Variants in RSL1D1 observed in about 807,000 individuals in gnomAD.
RSL1D1 encodes the protein ribosomal L1 domain containing 1.
RSL1D1 carries 34 observed loss-of-function variants against 44.6 expected under a neutral mutation model. The ratio of observed to expected loss-of-function variants is 0.76; its 90% CI spans 0.58 to 1.02. RSL1D1 has a LOEUF of 1.02. RSL1D1 is among the 50% of genes least tolerant of loss of function. The pLI, the probability that RSL1D1 is intolerant of heterozygous loss-of-function variation, is 0.00. For synonymous variants in RSL1D1, 271 were observed against 207.4 expected, an observed-to-expected ratio of 1.31 and a Z score of -2.63; for missense variants, 767 against 568.1, an observed-to-expected ratio of 1.35 and a Z score of -3.56.
intron 7 of RSL1D1, 135 bp downstream of exon 7, chr16:11,841,560 A>G: frequency 1.3e-6 from 1 of 770,166 alleles, no homozygotes; most frequent in Non-Finnish European, 2.1e-6. Context: ...CCTCATGTAA[A>G]GTGACAAAAG....
intron 1 of RSL1D1, 27 bp from the exon 2 acceptor site, chr16:11,850,445 G>T (rs1200254897): frequency 3.2e-6 from 5 of 1,582,344 alleles, no homozygotes; most frequent in Non-Finnish European, 4.3e-6. Context: ...AGACAAATAA[G>T]TGAAATGTTT....
In RSL1D1 at chr16:11,846,834, G is replaced by A. The variant is rs1304989756; in HGVS notation, c.394C>T (p.Leu132Phe). Residue 132 changes from leucine (L) to phenylalanine (F), a missense_variant, in exon 4 of 9, where the codon CTC (leucine) becomes TTC (phenylalanine). By Grantham distance (22) the Leu-to-Phe change is conservative. Transcript: ENST00000571133. ...GIKTVSQIISLQTLKKEYKSY... is the reference protein window; with the variant it reads ...GIKTVSQIISFQTLKKEYKSY... ...TTATATTCCTTCTTTAGAGTTTGGA[G>A]GGAGATAATCTAGGAAGTATAGAGA... is the stretch of plus-strand genomic sequence containing the variant. 1.2e-6 allele frequency: 2 copies of A among 1,608,218 alleles called. No individual in the cohort carries two copies. Among genetic ancestry groups the A allele is most frequent in the Non-Finnish European group, 1.7e-6 (2 of 1,174,986 alleles).
intron 8 of RSL1D1, among the ~76,000 whole-genome samples, chr16:11,839,202 C>T (rs1374148901): frequency 6.6e-6 from 1 of 151,756 alleles, no homozygotes; most frequent in East Asian, 1.9e-4. Flanking sequence ...CCCGTCTCTA[C>T]CAAAAACACA....
intron 2 of RSL1D1, 137 bp from the exon 3 acceptor site, chr16:11,847,943 A>C: frequency 1.2e-6 from 1 of 850,460 alleles, no homozygotes; most frequent in Non-Finnish European, 1.8e-6. Context: ...TAATGCACCA[A>C]GAACAACACT....
chr16:11,846,477 C>T (rs758463167), intron 5 of RSL1D1, 24 bp downstream of exon 5: 1 of 1,084,766 alleles, frequency 9.2e-7, no homozygotes, highest in Non-Finnish European at 1.4e-6. Context: ...TTAAAAGAGG[C>T]ACACATGAAT....
chr16:11,847,922 A>G (rs2053811035), intron 2 of RSL1D1, 116 bp from the exon 3 acceptor site: 3 of 1,067,258 alleles, frequency 2.8e-6, no homozygotes. Flanking sequence ...TAGTCATGCT[A>G]GTTAAGCAAA....
intron 3 of RSL1D1, among the ~76,000 whole-genome samples, 158 bp from the exon 4 acceptor site, chr16:11,847,001 C>A (rs562178458): frequency 1.3e-5 from 2 of 152,122 alleles, no homozygotes; most frequent in East Asian, 1.9e-4. Context: ...CCAGGCACTA[C>A]GCTACATGCT....
chr16:11,846,490 C>T lies in RSL1D1; in HGVS notation c.635+11G>A. 1 of 1,391,016 alleles carries T rather than the reference C, an allele frequency of 7.2e-7. No individual in the cohort carries two copies. 86.2% of individuals were successfully genotyped at this position (1,391,016 alleles called of 1,614,324 possible). Reference sequence around the variant, plus strand: ...GATTAAAAGAGGCACACATGAATGCCTTTTACCTACCTGCAAGAACCACTT... The same window carrying T: ...GATTAAAAGAGGCACACATGAATGCTTTTTACCTACCTGCAAGAACCACTT... On this transcript the variant is annotated intron_variant, in intron 5 of 8. Coordinates refer to ENST00000571133, the MANE Select transcript of RSL1D1 (RefSeq NM_015659.3).
chr16:11,846,318 C>T (rs915193346), intron 5 of RSL1D1, among the ~76,000 whole-genome samples, 183 bp downstream of exon 5: 1 of 151,272 alleles, frequency 6.6e-6, no homozygotes, highest in African/African-American at 2.4e-5. Flanking sequence ...TGGCGTGAAC[C>T]CAGGAGGCGG....
At chr16:11,845,357 G>A (rs1006726804) in intron 5 of RSL1D1, among the ~76,000 whole-genome samples, 2 of 152,338 alleles carry the variant, frequency 1.3e-5, no homozygotes, top group Non-Finnish European at 2.9e-5. Flanking sequence ...GGAGGCTGAG[G>A]TGGAAGGATT....
At position 11,837,727 on chromosome 16, in the gene RSL1D1, AG is replaced by A; in HGVS notation, c.*59del. On this transcript the variant is annotated 3_prime_UTR_variant, in exon 9 of 9. Coordinates refer to ENST00000571133, the MANE Select transcript of RSL1D1 (RefSeq NM_015659.3). The stretch of plus-strand genomic sequence containing the variant: ...AGGTTACAAAGGCGGCCAGGATCTG[AG>A]TATTTCCAAAAAGCTCTGGAGGCAG... 2 of 1,422,870 alleles carry A rather than the reference AG, an allele frequency of 1.4e-6. No homozygotes were observed. The highest frequency in any genetic ancestry group is 1.9e-6 in the Non-Finnish European group (2 of 1,039,122). 88.1% of individuals were successfully genotyped at this position (1,422,870 alleles called of 1,614,324 possible). A position where few individuals can be genotyped will look rare whatever the true frequency, so the allele number is the denominator to read the frequency against.
chr16:11,842,323 A>T (rs930281379), intron 5 of RSL1D1, among the ~76,000 whole-genome samples: 1 of 151,890 alleles, frequency 6.6e-6, no homozygotes, highest in Non-Finnish European at 1.5e-5. Flanking sequence ...AGGGAAAAAC[A>T]CAGTCTGAAA....
intron 8 of RSL1D1, among the ~76,000 whole-genome samples, chr16:11,838,648 G>C (rs2053739202): frequency 1.3e-5 from 2 of 151,664 alleles, no homozygotes; most frequent in South Asian, 2.1e-4. Flanking sequence ...CTTGAGGCCA[G>C]GAGTTCAAGA....
chr16:11,849,311 C>T (rs955688725), intron 2 of RSL1D1: 1 of 150,594 alleles, frequency 6.6e-6, no homozygotes, highest in South Asian at 2.1e-4. Flanking sequence ...TGAGTCAGGT[C>T]AGGGAGGTTG....
In RSL1D1 at chr16:11,838,048, C is replaced by T. The variant is rs755144595; in HGVS notation, c.1212G>A (p.Gly404=). 5 of 1,613,652 alleles carry T rather than the reference C, an allele frequency of 3.1e-6. No individual in the cohort carries two copies. Among genetic ancestry groups the T allele is most frequent in the Non-Finnish European group, 4.2e-6 (5 of 1,179,940 alleles). ...AKSPNPSTPR[G]KKRKALPASE... ...ATGCTGGCAAAGCCTTTCTTTTCTT[C>T]CCACGAGGTGTGCTGGGATTAGGAC... The change falls in exon 9 of 9, where the codon GGG becomes GGA. Residue 404 remains glycine (G), a synonymous_variant. Transcript: ENST00000571133.
Position 11,846,857 on chromosome 16 carries a change from A to T in RSL1D1, c.385-14T>A. 6.3e-7 allele frequency: 1 copy of T among 1,579,606 alleles called. No individual in the cohort carries two copies. The highest frequency in any genetic ancestry group is 8.6e-7 in the Non-Finnish European group (1 of 1,156,522). On this transcript the variant is annotated splice_polypyrimidine_tract_variant and intron_variant, in intron 3 of 8. Transcript: ENST00000571133. ...GAGGGAGATAATCTAGGAAGTATAG[A>T]GAAGAATAAAAACAAGAAGTTAGGA... is the stretch of plus-strand genomic sequence containing the variant.
chr16:11,848,042 A>G (rs1271769806), intron 2 of RSL1D1, among the ~76,000 whole-genome samples: 1 of 152,196 alleles, frequency 6.6e-6, no homozygotes, highest in East Asian at 1.9e-4. Flanking sequence ...ACCTGAGGTC[A>G]GGAGTTCAAG....
chr16:11,851,505 T>A lies in RSL1D1; in HGVS notation c.8A>T (p.Asp3Val), dbSNP rs2053837996. The stretch of plus-strand genomic sequence containing the variant: ...AGAAGACAGCGAGGCCGAGGCCGAA[T>A]CCTCCATCTTGTTTCCACCTCGTGA... ME[D>V]SASASLSSAA... Residue 3 changes from aspartate (D) to valine (V), a missense_variant, in exon 1 of 9, where the codon GAT (aspartate) becomes GTT (valine). Transcript: ENST00000571133. 6 of 1,613,480 alleles carry A rather than the reference T, an allele frequency of 3.7e-6. No homozygotes were observed. The South Asian group carries it at 4.4e-5, about 12-fold the overall frequency.
intron 1 of RSL1D1, 124 bp downstream of exon 1, chr16:11,851,284 C>A: frequency 1.1e-6 from 1 of 902,440 alleles, no homozygotes; most frequent in Non-Finnish European, 1.8e-6. Context: ...GGCACACGGC[C>A]CGCCAGCGAC....
Sources: gnomAD v4.1 joint callset for allele counts (sites outside exome capture counted in the v4.1 genomes callset) on GRCh38, gnomAD v4.1.1 for gene constraint, MANE v1.5 for transcripts, NCBI Gene and HGNC (gene_info 2026-07-23, HGNC 2026-07-21) for gene names.